Variants in HMCN2 observed in about 807,000 individuals in gnomAD.
The protein encoded by HMCN2 is hemicentin 2.
In HMCN2, 325 loss-of-function variants were observed where a neutral mutation model predicts 377.5. The observed-to-expected ratio is 0.86, with a 90% CI of 0.79 to 0.94. The LOEUF is 0.94. Among genes scored for constraint, HMCN2 ranks in the 40% least tolerant of loss-of-function variants. The pLI is 0.00. For missense variants in HMCN2, 4,543 were observed against 4,725.3 expected, an observed-to-expected ratio of 0.96 and a Z score of 1.13; for synonymous variants, 2,007 against 2,046.8, an observed-to-expected ratio of 0.98 and a Z score of 0.53.
At chr9:130,344,633 TA>T (rs1271619390) in intron 25 of HMCN2, among the ~76,000 whole-genome samples, 3 of 151,398 alleles carry the variant, frequency 2.0e-5, no homozygotes, top group Non-Finnish European at 4.4e-5. Context: ...GTGATGTGTG[TA>T]TGGTGTTTGG....
At chr9:130,278,064 C>T (rs1308516528) in intron 1 of HMCN2, among the ~76,000 whole-genome samples, 1 of 151,600 alleles carries the variant, frequency 6.6e-6, no homozygotes, top group Admixed American at 6.6e-5. Context: ...CCACCACCAC[C>T]ACCACCATCA....
chr9:130,367,941 CAAAAAAAAAAA>C (rs10565235), intron 43 of HMCN2, among the ~76,000 whole-genome samples: 2 of 75,506 alleles, frequency 2.6e-5, no homozygotes, highest in East Asian at 4.9e-4. Flanking sequence ...GACTCTGTCT[CAAAAAAAAAAA>C]AAAAAAAAAA....
chr9:130,352,995 C>A lies in HMCN2; in HGVS notation c.4654C>A (p.Leu1552Ile). ...VAVMEDHLVQ[L>I]LCEARGVPTP... is the part of the protein sequence containing the mutation. ...CGTCATGGAGGACCACCTAGTGCAG[C>A]TCCTGTGTGAGGCTCGAGGAGTGCC... The change falls in exon 31 of 98, where the codon CTC (leucine) becomes ATC (isoleucine). Residue 1552 changes from leucine to isoleucine, a missense_variant. Coordinates refer to ENST00000683500, the MANE Select transcript of HMCN2 (RefSeq NM_001291815.2). The A allele has an allele frequency of 7.7e-7, 1 of 1,304,068 alleles. No homozygotes were observed. Among genetic ancestry groups the A allele is most frequent in the Admixed American group, 2.3e-5 (1 of 43,550 alleles). 80.8% of individuals were successfully genotyped at this position (1,304,068 alleles called of 1,614,324 possible).
At chr9:130,432,362 A>C in intron 96 of HMCN2, 67 bp from the exon 97 acceptor site, 1 of 1,470,342 alleles carries the variant, frequency 6.8e-7, no homozygotes, top group Non-Finnish European at 9.3e-7. Flanking sequence ...CTCCCCACGC[A>C]CTCCCCCCTT....
Position 130,384,779 on chromosome 9 carries a change from G to C in HMCN2, c.9087G>C (p.Leu3029=). 2.3e-6 allele frequency: 3 copies of C among 1,303,462 alleles called. No individual in the cohort carries two copies. Among genetic ancestry groups the C allele is most frequent in the Non-Finnish European group, 3.0e-6 (3 of 988,864 alleles). The allele number at this position is 1,303,462 out of a possible 1,614,324, so 80.7% of individuals were successfully genotyped here. A position where few individuals can be genotyped will look rare whatever the true frequency, so the allele number is the denominator to read the frequency against. Residue 3029 remains leucine (L), a synonymous_variant, in exon 59 of 98, where the codon CTG becomes CTC. Transcript: ENST00000683500. Reference sequence around the variant, plus strand: ...ATGCTGCCGGCCGAGACCAGAAGCTGGTGCAGCTCAGTGTTCTGGGTATGT... The same window carrying C: ...ATGCTGCCGGCCGAGACCAGAAGCTCGTGCAGCTCAGTGTTCTGGGTATGT... The part of the protein sequence containing the change: ...ALNAAGRDQK[L]VQLSVLVPPA...
chr9:130,426,977 C>T (rs1588446042), intron 90 of HMCN2, among the ~76,000 whole-genome samples: 2 of 152,306 alleles, frequency 1.3e-5, no homozygotes, highest in Middle Eastern at 3.4e-3. Flanking sequence ...TCTGCCCCTC[C>T]GCACGGTCTC....
chr9:130,358,382 C>A lies in HMCN2; in HGVS notation c.5581-8C>A. 1.5e-6 allele frequency: 2 copies of A among 1,304,228 alleles called. No homozygotes were observed. The allele number at this position is 1,304,228 out of a possible 1,614,324, so 80.8% of individuals were successfully genotyped here. On this transcript the variant is annotated splice_region_variant and splice_polypyrimidine_tract_variant and intron_variant, in intron 35 of 97. Transcript: ENST00000683500. Reference sequence around the variant, plus strand: ...CCTGTGGCATACTCTCTGCCCCCTCCCCTCCAGATTGAGAAGGTGGACCTG... The same window carrying A: ...CCTGTGGCATACTCTCTGCCCCCTCACCTCCAGATTGAGAAGGTGGACCTG...
intron 34 of HMCN2, among the ~76,000 whole-genome samples, chr9:130,357,277 G>GGTGGGTGGATGGATGAATGA (rs1840087588): frequency 6.7e-6 from 1 of 150,184 alleles, no homozygotes; most frequent in Non-Finnish European, 1.5e-5. Flanking sequence ...TGAATGGGTG[G>GGTGGGTGGATGGATGAATGA]GTGGGTGGAT....
Position 130,422,539 on chromosome 9 carries a change from A to T in HMCN2, c.13232-38A>T. The T allele has an allele frequency of 7.7e-7, 1 of 1,294,816 alleles. No homozygotes were observed. Among genetic ancestry groups the T allele is most frequent in the East Asian group, 3.1e-5 (1 of 31,860 alleles). The allele number at this position is 1,294,816 out of a possible 1,614,324, so 80.2% of individuals were successfully genotyped here. On this transcript the variant is annotated intron_variant, in intron 86 of 97. Transcript: ENST00000683500. This position sits in a 1 kb window ranked among gnomAD's most constrained non-coding sequence, Gnocchi z 4.2. The stretch of plus-strand genomic sequence containing the variant: ...GCTTGTGCTGTGGGCCCCGGGGTGG[A>T]TAGTCAGTGGCACTGTCATTCTTTC...
intron 15 of HMCN2, among the ~76,000 whole-genome samples, chr9:130,312,483 T>G (rs1242473549): frequency 1.7e-5 from 2 of 116,780 alleles, no homozygotes; most frequent in Non-Finnish European, 3.6e-5. Context: ...TTTCCTTTCT[T>G]TCTCTCTCTC....
intron 90 of HMCN2, 29 bp from the exon 91 acceptor site, chr9:130,427,284 C>G: frequency 6.5e-7 from 1 of 1,549,742 alleles, no homozygotes; most frequent in Non-Finnish European, 8.7e-7. Context: ...ACCCTCATGT[C>G]CTTAGAGTCT....
intron 84 of HMCN2, 87 bp downstream of exon 84, chr9:130,409,020 C>T (rs7025926): frequency 1.4e-5 from 13 of 911,196 alleles, no homozygotes; most frequent in Non-Finnish European, 1.8e-5. Flanking sequence ...TTCCTATTGC[C>T]CCCTCTGCTT....
chr9:130,382,332 G>A, intron 55 of HMCN2, 35 bp downstream of exon 55: 5 of 941,008 alleles, frequency 5.3e-6, no homozygotes, highest in South Asian at 4.9e-5. Flanking sequence ...GGATTCCCGG[G>A]ACTGCAAGCG....
intron 85 of HMCN2, among the ~76,000 whole-genome samples, chr9:130,412,343 A>G (rs963435156): frequency 6.6e-6 from 1 of 152,194 alleles, no homozygotes; most frequent in Admixed American, 6.5e-5. Context: ...TAGCATGGAT[A>G]TAGCCCTTTA....
In HMCN2 at chr9:130,353,098, G is replaced by A. The variant is rs1033624528; in HGVS notation, c.4757G>A (p.Arg1586Gln). 34 of 1,304,120 alleles carry A rather than the reference G, an allele frequency of 2.6e-5. No individual in the cohort carries two copies. The highest frequency in any genetic ancestry group is 3.2e-5 in the Non-Finnish European group (32 of 988,944). The allele number at this position is 1,304,120 out of a possible 1,614,324, so 80.8% of individuals were successfully genotyped here. Residue 1586 changes from arginine (R) to glutamine (Q), a missense_variant, in exon 31 of 98, where the codon CGG (arginine) becomes CAG (glutamine). Physicochemically the swap from Arg to Gln is conservative, Grantham distance 43 (BLOSUM62 1). Around this residue, in one of 5 missense-constraint regions of HMCN2, gnomAD observed 1,032 missense variants for 1,285.1 expected, o/e 0.80. Transcript: ENST00000683500. ...AAGGTGGTCTACACTAGGGGCGGTC[G>A]GCAGTTGCAGCTGGGGAGGGCCCAG... ...STKVVYTRGG[R>Q]QLQLGRAQSS...
At chr9:130,334,723 T>C (rs1240981515) in intron 22 of HMCN2, among the ~76,000 whole-genome samples, 1 of 60,582 alleles carries the variant, frequency 1.7e-5, no homozygotes, top group East Asian at 2.5e-4. Flanking sequence ...CTCTCTCTCT[T>C]CTCTCTTTCT....
At chr9:130,291,259 G>C (rs1588182204) in intron 4 of HMCN2, among the ~76,000 whole-genome samples, 1 of 152,182 alleles carries the variant, frequency 6.6e-6, no homozygotes, top group African/African-American at 2.4e-5. Flanking sequence ...ACCCAAGCTG[G>C]AATGCAGTGG....
At chr9:130,317,262 T>G (rs944623739) in intron 15 of HMCN2, among the ~76,000 whole-genome samples, 4 of 152,176 alleles carry the variant, frequency 2.6e-5, no homozygotes. Context: ...GACTTTTAGT[T>G]TCCTCATCTG....
At chr9:130,336,914 C>T (rs1274445882) in intron 22 of HMCN2, among the ~76,000 whole-genome samples, 1 of 152,122 alleles carries the variant, frequency 6.6e-6, no homozygotes, top group Non-Finnish European at 1.5e-5. Context: ...CCCCGTTTTG[C>T]AGAGGAGGAA....
Sources: gnomAD v4.1 joint callset for allele counts (sites outside exome capture counted in the v4.1 genomes callset) on GRCh38, gnomAD v4.1.1 for gene constraint, gnomAD v4.1.1 regional missense constraint, Gnocchi (gnomAD v3.1) non-coding constraint, MANE v1.5 for transcripts, NCBI Gene and HGNC (gene_info 2026-07-23, HGNC 2026-07-21) for gene names.